PRKD1: variants seen among roughly 807,000 people sequenced by gnomAD.
PRKD1 encodes the protein serine/threonine-protein kinase D1.
PRKD1 carries 63 observed loss-of-function variants against 95.9 expected under a neutral mutation model. The ratio of observed to expected loss-of-function variants is 0.66; its 90% confidence interval spans 0.54 to 0.81. PRKD1 has a LOEUF of 0.81. Among genes scored for constraint, PRKD1 ranks in the 30% least tolerant of loss-of-function variants. The probability of loss-of-function intolerance (pLI) is 0.00; values close to 1 mark genes in which losing one functional copy is unlikely to be tolerated. For missense variants in PRKD1, 1,048 were observed against 1,165.3 expected (o/e 0.90, Z 1.47); for synonymous variants, 425 against 423.1 (o/e 1.00, Z -0.05).
intron 8 of PRKD1, 24 bp from the exon 9 acceptor site, chr14:29,632,970 A>C: frequency 3.1e-6 from 5 of 1,591,800 alleles, no homozygotes; most frequent in Non-Finnish European, 4.3e-6. Flanking sequence ...TAGATCCAAG[A>C]TCTTTTTAAA....
chr14:29,919,113 A>G (rs1041134259), intron 1 of PRKD1, among the ~76,000 whole-genome samples: 10 of 152,246 alleles, frequency 6.6e-5, no homozygotes, highest in African/African-American at 2.4e-4. Flanking sequence ...ATAGATGCCA[A>G]TGAACTAGTG....
chr14:29,697,826 A>C (rs1884614290), intron 2 of PRKD1, among the ~76,000 whole-genome samples: 1 of 152,062 alleles, frequency 6.6e-6, no homozygotes, highest in African/African-American at 2.4e-5. Flanking sequence ...TATAACTCCC[A>C]CGACTTTCTG....
At chr14:29,588,142 T>C (rs1246290211) in intron 16 of PRKD1, among the ~76,000 whole-genome samples, 1 of 152,210 alleles carries the variant, frequency 6.6e-6, no homozygotes, top group Non-Finnish European at 1.5e-5. Flanking sequence ...TGTCTTTCTT[T>C]TGTTTCGCGT....
chr14:29,610,502 T>C (rs988077798), intron 13 of PRKD1, among the ~76,000 whole-genome samples: 1 of 152,174 alleles, frequency 6.6e-6, no homozygotes, highest in African/African-American at 2.4e-5. Context: ...TGCCAAAATC[T>C]GGAACTCCGA....
intron 1 of PRKD1, among the ~76,000 whole-genome samples, chr14:29,793,494 C>T (rs1338791697): frequency 1.3e-5 from 2 of 152,070 alleles, no homozygotes; most frequent in Non-Finnish European, 2.9e-5. Flanking sequence ...TAAAGAATAT[C>T]ACAGCTATCT....
chr14:29,890,682 TA>T (rs1893908099), intron 1 of PRKD1, among the ~76,000 whole-genome samples: 1 of 152,180 alleles, frequency 6.6e-6, no homozygotes, highest in Non-Finnish European at 1.5e-5. Context: ...CAAAGAAAGA[TA>T]ATCTTCCAAT....
chr14:29,759,783 T>C (rs967032029), intron 1 of PRKD1, among the ~76,000 whole-genome samples: 1 of 152,122 alleles, frequency 6.6e-6, no homozygotes, highest in Non-Finnish European at 1.5e-5. Context: ...ATGAAAGCCT[T>C]AGATGAAAGT....
chr14:29,896,323 C>T (rs936632640), intron 1 of PRKD1, among the ~76,000 whole-genome samples: 2 of 151,998 alleles, frequency 1.3e-5, no homozygotes, highest in African/African-American at 4.8e-5. Flanking sequence ...ATTAACGTTT[C>T]CCAATTATAA....
chr14:29,626,840 G>A (rs528542950), intron 11 of PRKD1, among the ~76,000 whole-genome samples: 52 of 151,576 alleles, frequency 3.4e-4, no homozygotes, highest in African/African-American at 1.3e-3. Context: ...TCAGCCTCCT[G>A]AGTAGTTGGG....
intron 2 of PRKD1, among the ~76,000 whole-genome samples, chr14:29,713,388 A>C (rs951778717): frequency 6.6e-6 from 1 of 152,196 alleles, no homozygotes; most frequent in African/African-American, 2.4e-5. Flanking sequence ...ACATCAAGGA[A>C]TCTACCAAAG....
chr14:29,628,906 A>AG (rs59888884), intron 11 of PRKD1, 135 bp downstream of exon 11: 501,108 of 521,814 alleles, frequency 0.96, 240,939 homozygotes, highest in Non-Finnish European at 0.98. Flanking sequence ...AAAATATCAC[A>AG]AAAAAATATC....
intron 4 of PRKD1, among the ~76,000 whole-genome samples, chr14:29,663,288 A>G (rs1224395489): frequency 6.6e-6 from 1 of 151,706 alleles, no homozygotes; most frequent in Admixed American, 6.6e-5. Flanking sequence ...AAAGACTTTC[A>G]TGGTTTCACA....
chr14:29,689,066 A>G (rs59543047), intron 2 of PRKD1, among the ~76,000 whole-genome samples: 78,757 of 151,426 alleles, frequency 0.52, 23,104 homozygotes, highest in African/African-American at 0.8. Flanking sequence ...AAGATTTTAC[A>G]ATGAAAATGC....
intron 1 of PRKD1, among the ~76,000 whole-genome samples, chr14:29,815,120 T>C (rs2048771467): frequency 6.6e-6 from 1 of 152,130 alleles, no homozygotes; most frequent in Non-Finnish European, 1.5e-5. Flanking sequence ...AAAAGCCTTC[T>C]TAAAAAAGTG....
At chr14:29,874,094 G>A (rs976374532) in intron 1 of PRKD1, among the ~76,000 whole-genome samples, 1 of 152,124 alleles carries the variant, frequency 6.6e-6, no homozygotes, top group African/African-American at 2.4e-5. Context: ...TGTATACACA[G>A]TAAAAGACAC....
intron 16 of PRKD1, 124 bp from the exon 17 acceptor site, chr14:29,578,484 CAAA>C: frequency 1.9e-5 from 5 of 264,956 alleles, no homozygotes; most frequent in Admixed American, 6.1e-5. Flanking sequence ...GCACTAGAAC[CAAA>C]AAAAAAAATC....
intron 1 of PRKD1, among the ~76,000 whole-genome samples, chr14:29,818,775 T>G (rs1890794639): frequency 6.6e-6 from 1 of 152,160 alleles, no homozygotes; most frequent in Non-Finnish European, 1.5e-5. Context: ...TCTGTTCCTC[T>G]TAGATGTAAA....
chr14:29,674,836 A>G (rs534112520), intron 2 of PRKD1, among the ~76,000 whole-genome samples: 2 of 152,318 alleles, frequency 1.3e-5, no homozygotes, highest in Non-Finnish European at 2.9e-5. Flanking sequence ...AAATAGCATC[A>G]CTGTTGTCAA....
rs917978993 is a variant in PRKD1, at chr14:29,760,434, C to T, written c.265-34760G>A. Among the ~76,000 whole-genome samples the T allele has an allele frequency of 6.7e-5, 10 of 149,282 alleles. No homozygotes were observed. In the East Asian group the frequency reaches 2.0e-3, roughly 30 times the overall value. On this transcript the variant is annotated intron_variant, in intron 1 of 17. Coordinates refer to ENST00000331968, the MANE Select transcript of PRKD1 (RefSeq NM_002742.3). ...GCAGTGGCACGATCTGGGCTCACTG[C>T]AACCTCCGCCTCCTGGGTACAAGCG...
Sources: allele counts gnomAD v4.1 joint callset (sites outside exome capture counted in the v4.1 genomes callset), GRCh38; gene constraint gnomAD v4.1.1; transcripts MANE v1.5; gene names NCBI Gene and HGNC (gene_info 2026-07-23, HGNC 2026-07-21).